Variants in CCNY observed in about 807,000 individuals in gnomAD.
The protein encoded by CCNY is cyclin Y, also known as cyclin-Y.
A neutral mutation model predicts 42.8 loss-of-function variants in CCNY; 19 were observed. That is an observed-to-expected ratio of 0.44 (90% CI 0.31 to 0.65). The LOEUF is 0.65. Ranked by LOEUF, CCNY falls within the 30% of genes least tolerant of loss-of-function variation. The pLI is 0.07. For synonymous variants in CCNY, 165 were observed against 162.7 expected, an observed-to-expected ratio of 1.01 and a Z score of -0.11; for missense variants, 370 against 437.3, an observed-to-expected ratio of 0.85 and a Z score of 1.37.
At chr10:35,465,957 G>GTGTGTGTGTC (rs1554791678) in intron 1 of CCNY, among the ~76,000 whole-genome samples, 1 of 151,256 alleles carries the variant, frequency 6.6e-6, no homozygotes, top group Non-Finnish European at 1.5e-5. Context: ...GTGTGTGTGT[G>GTGTGTGTGTC]TGTCTGTGTG....
In CCNY at chr10:35,337,134, GC is replaced by G; in HGVS notation, c.83del (p.Pro28GlnfsTer5). 1 of 1,588,482 alleles carries G rather than the reference GC, an allele frequency of 6.3e-7. No individual in the cohort carries two copies. On this transcript the variant is annotated frameshift_variant, in exon 1 of 10. Transcript: ENST00000374704. LOFTEE classifies it high-confidence loss of function. ...NAHSRLESYR[P>X]DTDLSREDTG... ...CCCACTCCCGGCTGGAGTCCTACCG[GC>G]CAGACACGGACCTGAGCCGCGAGGA...
At chr10:35,505,902 C>T (rs1840205116) in intron 3 of CCNY, among the ~76,000 whole-genome samples, 2 of 152,132 alleles carry the variant, frequency 1.3e-5, no homozygotes, top group Admixed American at 6.5e-5. Context: ...ATCATTTGCT[C>T]CTCTTAACAC....
intron 2 of CCNY, among the ~76,000 whole-genome samples, chr10:35,493,501 C>T (rs1000391576): frequency 4.6e-5 from 7 of 152,220 alleles, no homozygotes; most frequent in East Asian, 1.9e-4. Context: ...GCTTACCTTA[C>T]GTGGCTTATG....
chr10:35,281,492 C>T (rs571765216), intron 3 of CCNY, among the ~76,000 whole-genome samples: 6 of 151,914 alleles, frequency 3.9e-5, no homozygotes, highest in African/African-American at 9.7e-5. Flanking sequence ...TTAGTAGAGA[C>T]GGAGTTTCAG....
At position 35,303,803 on chromosome 10, in the gene CCNY, GGGAA is replaced by G. The variant is rs1156638499; in HGVS notation, c.-9+53194_-9+53197del. On this transcript the variant is annotated intron_variant, in intron 3 of 11. Coordinates refer to the CCNY transcript ENST00000374706. ...AAAAAAAAAAAAAAAAAAAAAAAGAGGGAAGGAAGGAAGGAAGGAAAGAAGGAAG... is the reference window on the plus strand; with the variant it reads ...AAAAAAAAAAAAAAAAAAAAAAAGAGGGAAGGAAGGAAGGAAAGAAGGAAG... Among the ~76,000 whole-genome samples, 1,248 of 142,614 alleles carry G rather than the reference GGGAA, an allele frequency of 8.8e-3. 10 individuals carry two copies. Among genetic ancestry groups the G allele is most frequent in the African/African-American group, 0.021 (803 of 38,450 alleles). The allele number at this position is 142,614 out of a possible 152,430, so 93.6% of individuals were successfully genotyped here. A position where few individuals can be genotyped will look rare whatever the true frequency, so the allele number is the denominator to read the frequency against.
At chr10:35,249,608 G>A (rs1037810529) in intron 2 of CCNY, among the ~76,000 whole-genome samples, 1 of 152,146 alleles carries the variant, frequency 6.6e-6, no homozygotes, top group Non-Finnish European at 1.5e-5. Context: ...GCTATATTCT[G>A]GAATGTTCTG....
At chr10:35,529,123 C>G (rs1044881319) in intron 5 of CCNY, among the ~76,000 whole-genome samples, 2 of 152,196 alleles carry the variant, frequency 1.3e-5, no homozygotes, top group Non-Finnish European at 2.9e-5. Flanking sequence ...GTTCTGTGCA[C>G]GTACCAGCCT....
intron 7 of CCNY, among the ~76,000 whole-genome samples, chr10:35,534,369 G>T (rs765002980): frequency 5.9e-5 from 9 of 152,150 alleles, no homozygotes; most frequent in Non-Finnish European, 1.0e-4. Flanking sequence ...CAACTTCGGG[G>T]ACATCACTCA....
intron 8 of CCNY, among the ~76,000 whole-genome samples, chr10:35,556,265 G>A (rs140636939): frequency 8.2e-4 from 125 of 152,258 alleles, no homozygotes; most frequent in Middle Eastern, 3.4e-3. Flanking sequence ...AAACTGGAGT[G>A]CCACCTTTTT....
intron 3 of CCNY, among the ~76,000 whole-genome samples, chr10:35,288,803 A>G (rs888584787): frequency 6.6e-6 from 1 of 152,188 alleles, no homozygotes; most frequent in Non-Finnish European, 1.5e-5. Flanking sequence ...AATATTCACC[A>G]ATGTATGAAT....
chr10:35,262,307 A>T (rs2095720494), intron 3 of CCNY, among the ~76,000 whole-genome samples: 1 of 139,782 alleles, frequency 7.2e-6, no homozygotes, highest in South Asian at 2.3e-4. Context: ...TGTCACACAG[A>T]AGGTCAACAT....
At chr10:35,523,750 TTA>T (rs917959544) in intron 4 of CCNY, among the ~76,000 whole-genome samples, 1 of 152,196 alleles carries the variant, frequency 6.6e-6, no homozygotes, top group African/African-American at 2.4e-5. Flanking sequence ...GATCATGCTT[TTA>T]TATACTTTTT....
intron 3 of CCNY, among the ~76,000 whole-genome samples, chr10:35,287,232 G>C (rs1835364471): frequency 6.6e-6 from 1 of 152,064 alleles, no homozygotes; most frequent in Non-Finnish European, 1.5e-5. Context: ...CAAAAGGGGA[G>C]AAAGCCTAAA....
intron 3 of CCNY, among the ~76,000 whole-genome samples, chr10:35,263,794 A>G (rs1355384327): frequency 1.3e-5 from 2 of 152,160 alleles, no homozygotes; most frequent in South Asian, 2.1e-4. Context: ...TGGCCTAGGT[A>G]TTAAGGTCAG....
chr10:35,456,333 T>C (rs1268223435), intron 1 of CCNY, among the ~76,000 whole-genome samples: 3 of 152,228 alleles, frequency 2.0e-5, no homozygotes, highest in Non-Finnish European at 4.4e-5. Context: ...AGAAAGAGAA[T>C]GGAGCTTCTG....
chr10:35,554,562 G>T (rs1841325453), intron 8 of CCNY, among the ~76,000 whole-genome samples: 1 of 152,144 alleles, frequency 6.6e-6, no homozygotes, highest in African/African-American at 2.4e-5. Context: ...CTTTATTGGG[G>T]ATTATCTTTG....
intron 3 of CCNY, among the ~76,000 whole-genome samples, chr10:35,312,886 G>A (rs1416870493): frequency 6.6e-6 from 1 of 151,710 alleles, no homozygotes; most frequent in African/African-American, 2.4e-5. Flanking sequence ...AAAATGCCAG[G>A]ATTACAGGCA....
chr10:35,504,546 A>G (rs994667048), intron 3 of CCNY, among the ~76,000 whole-genome samples: 1 of 152,242 alleles, frequency 6.6e-6, no homozygotes, highest in African/African-American at 2.4e-5. Flanking sequence ...AGGTTCAATC[A>G]GGGTGAATTA....
chr10:35,377,503 A>G lies in CCNY; in HGVS notation c.154+40296A>G, dbSNP rs1024034832. Reference sequence around the variant, plus strand: ...ACCAAGTGTGAAGTAGGCTATGACTATCTAGGTTTGTGTAAGTACACTCTA... The same window carrying G: ...ACCAAGTGTGAAGTAGGCTATGACTGTCTAGGTTTGTGTAAGTACACTCTA... On this transcript the variant is annotated intron_variant, in intron 1 of 9. Transcript: ENST00000374704. Among the ~76,000 whole-genome samples, 8 of 152,308 alleles carry G rather than the reference A, an allele frequency of 5.3e-5. No individual in the cohort carries two copies. The South Asian group carries it at 1.0e-3, about 20-fold the overall frequency.
Sources: allele counts gnomAD v4.1 joint callset (sites outside exome capture counted in the v4.1 genomes callset), GRCh38; gene constraint gnomAD v4.1.1; transcripts MANE v1.5; gene names NCBI Gene and HGNC (gene_info 2026-07-23, HGNC 2026-07-21).